The following PIGL variants were observed in gnomAD, a reference collection of about 807,000 sequenced individuals.
PIGL encodes the protein N-acetylglucosaminyl-phosphatidylinositol de-N-acetylase.
In PIGL, 22 loss-of-function variants were observed where a neutral mutation model predicts 31.1. That is an observed-to-expected ratio of 0.71 (90% CI 0.51 to 1.01). PIGL has a LOEUF of 1.01. PIGL is among the 50% of genes least tolerant of loss of function. The pLI, the probability that PIGL is intolerant of heterozygous loss-of-function variation, is 0.00. For missense variants in PIGL, 302 were observed against 315.9 expected (o/e 0.96, Z 0.33); for synonymous variants, 131 against 117.4 (o/e 1.12, Z -0.75).
chr17:16,324,787 T>C (rs946352403), intron 6 of PIGL, among the ~76,000 whole-genome samples: 6 of 152,218 alleles, frequency 3.9e-5, no homozygotes, highest in African/African-American at 1.4e-4. Context: ...TATGTATATC[T>C]AGTGAAGTCA....
chr17:16,266,919 G>C (rs113904563), intron 2 of PIGL, among the ~76,000 whole-genome samples: 2 of 107,364 alleles, frequency 1.9e-5, no homozygotes, highest in East Asian at 6.9e-4. Flanking sequence ...GGGGGGGGGG[G>C]TTGTCGTGGA....
chr17:16,299,779 C>T (rs554350848), intron 2 of PIGL, 109 bp from the exon 3 acceptor site: 2 of 780,424 alleles, frequency 2.6e-6, no homozygotes, highest in Non-Finnish European at 4.6e-6. Context: ...GGGCAGGGAC[C>T]CTTACCCCCA....
intron 1 of PIGL, among the ~76,000 whole-genome samples, chr17:16,226,209 A>G (rs1270569063): frequency 6.6e-6 from 1 of 152,108 alleles, no homozygotes; most frequent in East Asian, 1.9e-4. Context: ...GGTTTCAGAC[A>G]AAGTATACTT....
At chr17:16,225,441 T>G (rs2092648027) in intron 1 of PIGL, among the ~76,000 whole-genome samples, 2 of 147,046 alleles carry the variant, frequency 1.4e-5, no homozygotes, top group Non-Finnish European at 3.0e-5. Flanking sequence ...CAGGCTGAAG[T>G]GCAGTGGCAC....
At chr17:16,226,342 G>A (rs1739046531) in intron 1 of PIGL, among the ~76,000 whole-genome samples, 1 of 152,184 alleles carries the variant, frequency 6.6e-6, no homozygotes, top group Non-Finnish European at 1.5e-5. Flanking sequence ...ACAGATGTCA[G>A]CCAGAACATC....
At chr17:16,271,311 G>A (rs1224511188) in intron 2 of PIGL, among the ~76,000 whole-genome samples, 1 of 152,172 alleles carries the variant, frequency 6.6e-6, no homozygotes, top group Non-Finnish European at 1.5e-5. Context: ...TTCATGCTCT[G>A]ACCCTCAGGC....
At chr17:16,270,902 A>C (rs925965151) in intron 2 of PIGL, among the ~76,000 whole-genome samples, 1 of 152,012 alleles carries the variant, frequency 6.6e-6, no homozygotes, top group Non-Finnish European at 1.5e-5. Context: ...AAAAAAAAAA[A>C]AGAGAAAAGG....
intron 3 of PIGL, among the ~76,000 whole-genome samples, chr17:16,310,758 C>G (rs1016657521): frequency 2.0e-5 from 3 of 152,204 alleles, no homozygotes; most frequent in Admixed American, 2.0e-4. Context: ...TGGTCTTGAA[C>G]TCCTGACCTC....
At chr17:16,296,288 A>G (rs1341397351) in intron 2 of PIGL, among the ~76,000 whole-genome samples, 2 of 152,098 alleles carry the variant, frequency 1.3e-5, no homozygotes, top group Non-Finnish European at 2.9e-5. Flanking sequence ...AGAAGTGGCC[A>G]TCAAAGAGCT....
At chr17:16,261,309 A>G (rs550543561) in intron 2 of PIGL, among the ~76,000 whole-genome samples, 1 of 152,326 alleles carries the variant, frequency 6.6e-6, no homozygotes, top group Admixed American at 6.5e-5. Context: ...GGCAGAAGGC[A>G]TCACTGGCCA....
chr17:16,283,093 C>T (rs569780071), intron 2 of PIGL, among the ~76,000 whole-genome samples: 1 of 152,136 alleles, frequency 6.6e-6, no homozygotes, highest in South Asian at 2.1e-4. Context: ...ACTTCTGCCT[C>T]CTGGGTTTAA....
rs144879277 is a variant in PIGL at position 16,294,134 on chromosome 17, A to G, written c.336-5754A>G. 6.2e-3 allele frequency among the ~76,000 whole-genome samples: 945 copies of G among 152,310 alleles called. 12 individuals are homozygous for G. Among genetic ancestry groups the G allele is most frequent in the African/African-American group, 0.022 (899 of 41,558 alleles). The stretch of plus-strand genomic sequence containing the variant: ...AGTGGGTGAGATCAATCATTTGCTT[A>G]TGACACAGTCCTAGACTTAAGAGTT... On this transcript the variant is annotated intron_variant, in intron 2 of 6. Transcript: ENST00000225609.
At chr17:16,228,068 T>A (rs986215695) in intron 1 of PIGL, among the ~76,000 whole-genome samples, 1 of 149,362 alleles carries the variant, frequency 6.7e-6, no homozygotes, top group Admixed American at 6.7e-5. Flanking sequence ...TTTTTTTTTT[T>A]GAGATGGAGT....
chr17:16,318,228 A>C (rs556519986), intron 6 of PIGL, among the ~76,000 whole-genome samples: 4 of 152,178 alleles, frequency 2.6e-5, no homozygotes, highest in Non-Finnish European at 5.9e-5. Flanking sequence ...CAGTCCCACC[A>C]ATCACAGGTA....
At chr17:16,298,144 G>A (rs2092990451) in intron 2 of PIGL, among the ~76,000 whole-genome samples, 1 of 152,162 alleles carries the variant, frequency 6.6e-6, no homozygotes, top group Non-Finnish European at 1.5e-5. Flanking sequence ...GCCATAAGGG[G>A]TTGGCAGATG....
At chr17:16,312,894 A>T (rs1219599613) in intron 3 of PIGL, 3 of 130,448 alleles carry the variant, frequency 2.3e-5, no homozygotes, top group Admixed American at 1.6e-4. Context: ...TCGGCTCAGC[A>T]TCAGAAGGAG....
intron 2 of PIGL, among the ~76,000 whole-genome samples, chr17:16,270,646 C>T: frequency 6.6e-6 from 1 of 152,020 alleles, no homozygotes; most frequent in Non-Finnish European, 1.5e-5. Flanking sequence ...CCTGTAATCC[C>T]AGCACTTTAG....
chr17:16,315,887 G>T (rs112783384), intron 4 of PIGL, among the ~76,000 whole-genome samples: 3 of 151,316 alleles, frequency 2.0e-5, no homozygotes, highest in African/African-American at 4.9e-5. Context: ...TATTAGAGAC[G>T]GAGTTTCACC....
chr17:16,226,506 G>A (rs1031462425), intron 1 of PIGL, among the ~76,000 whole-genome samples: 3 of 152,134 alleles, frequency 2.0e-5, no homozygotes, highest in East Asian at 1.9e-4. Context: ...GCCACATCCA[G>A]GTTTAAGGAG....
Sources: allele counts gnomAD v4.1 joint callset (sites outside exome capture counted in the v4.1 genomes callset), GRCh38; gene constraint gnomAD v4.1.1; transcripts MANE v1.5; gene names NCBI Gene and HGNC (gene_info 2026-07-23, HGNC 2026-07-21).